The following DPP10 variants were observed in gnomAD, a reference collection of about 807,000 sequenced individuals.
DPP10 encodes inactive dipeptidyl peptidase 10.
DPP10 carries 33 observed loss-of-function variants against 120.9 expected under a neutral mutation model. The observed-to-expected ratio is 0.27, with a 90% confidence interval of 0.21 to 0.37. The LOEUF is 0.37. DPP10 is among the 10% of genes least tolerant of loss of function. The pLI, the probability that DPP10 is intolerant of heterozygous loss-of-function variation, is 1.00. For synonymous variants in DPP10, 337 were observed against 326.1 expected, an observed-to-expected ratio of 1.03 and a Z score of -0.36; for missense variants, 816 against 942.8, an observed-to-expected ratio of 0.87 and a Z score of 1.76.
chr2:114,640,626 C>T (rs1695636595), intron 1 of DPP10, among the ~76,000 whole-genome samples: 1 of 151,826 alleles, frequency 6.6e-6, no homozygotes, highest in South Asian at 2.1e-4. Context: ...TGTCCTCCCT[C>T]CCCTTCATCA....
intron 1 of DPP10, among the ~76,000 whole-genome samples, chr2:114,504,111 A>T (rs929235422): frequency 5.3e-5 from 8 of 152,126 alleles, no homozygotes; most frequent in African/African-American, 1.9e-4. Flanking sequence ...ATAACTTAGG[A>T]CTGGTGTGGG....
chr2:115,441,061 T>G (rs2071999153), intron 3 of DPP10: 1 of 152,114 alleles, frequency 6.6e-6, no homozygotes, highest in Non-Finnish European at 1.5e-5. Context: ...GAAGCAAGGC[T>G]AGGTGATTAA....
intron 19 of DPP10, among the ~76,000 whole-genome samples, chr2:115,809,954 G>C (rs1448699920): frequency 6.6e-6 from 1 of 152,144 alleles, no homozygotes; most frequent in East Asian, 1.9e-4. Flanking sequence ...ACGAGGTCAG[G>C]AGATCGAGAC....
At position 114,446,297 on chromosome 2, in the gene DPP10, T is replaced by G. The variant is rs572400978; in HGVS notation, c.60+3459T>G. Among the ~76,000 whole-genome samples, 6 of 152,342 alleles carry G rather than the reference T, an allele frequency of 3.9e-5. No homozygotes were observed. The East Asian group carries it at 1.2e-3, about 29-fold the overall frequency. On this transcript the variant is annotated intron_variant, in intron 1 of 25. Coordinates refer to ENST00000410059, the MANE Select transcript of DPP10 (RefSeq NM_020868.6). ...ATTTTGCCTCTAAAATGTGCAGATT[T>G]TTTTCTTATTTCTTTCACATTTGAA... is the stretch of plus-strand genomic sequence containing the variant.
intron 1 of DPP10, among the ~76,000 whole-genome samples, chr2:114,626,873 C>A (rs1336929214): frequency 6.6e-6 from 1 of 152,050 alleles, no homozygotes; most frequent in Non-Finnish European, 1.5e-5. Context: ...CTGCCCTATT[C>A]TTTGGCATTC....
chr2:114,751,930 C>T (rs1403556175), intron 1 of DPP10, among the ~76,000 whole-genome samples: 1 of 152,200 alleles, frequency 6.6e-6, no homozygotes, highest in Non-Finnish European at 1.5e-5. Context: ...GTGAATAGGT[C>T]AGTAGATCTG....
intron 1 of DPP10, among the ~76,000 whole-genome samples, chr2:114,643,791 C>T: frequency 6.6e-6 from 1 of 151,416 alleles, no homozygotes; most frequent in East Asian, 1.9e-4. Flanking sequence ...ATACACTTTG[C>T]CTTTCTTTTC....
intron 3 of DPP10, among the ~76,000 whole-genome samples, chr2:115,417,208 A>T (rs1030834655): frequency 7.2e-5 from 11 of 152,174 alleles, no homozygotes; most frequent in South Asian, 2.1e-4. Flanking sequence ...TCCAATATTA[A>T]TTACTATGTG....
chr2:114,744,950 C>T (rs539562843), intron 1 of DPP10, among the ~76,000 whole-genome samples: 4 of 152,148 alleles, frequency 2.6e-5, no homozygotes, highest in African/African-American at 4.8e-5. Context: ...TTAGTAGAGA[C>T]GGGGTTTCAC....
chr2:114,942,298 C>CATATATATATATATATATATACAT, intron 1 of DPP10, among the ~76,000 whole-genome samples: 1 of 104,690 alleles, frequency 9.6e-6, no homozygotes, highest in South Asian at 3.1e-4. Flanking sequence ...TATATATATA[C>CATATATATATATATATATATACAT]ATATATATAT....
At chr2:115,474,960 C>T (rs767703049) in intron 3 of DPP10, among the ~76,000 whole-genome samples, 5 of 152,128 alleles carry the variant, frequency 3.3e-5, no homozygotes, top group African/African-American at 7.2e-5. Context: ...CCTTGGGACA[C>T]TACTCCCCAT....
intron 1 of DPP10, among the ~76,000 whole-genome samples, chr2:115,088,971 C>G (rs111800152): frequency 2.0e-5 from 3 of 152,022 alleles, no homozygotes; most frequent in Admixed American, 6.6e-5. Context: ...CTTCCACAAC[C>G]TTTATTGCCA....
At chr2:114,670,040 G>A (rs1181464207) in intron 1 of DPP10, among the ~76,000 whole-genome samples, 1 of 152,082 alleles carries the variant, frequency 6.6e-6, no homozygotes, top group Non-Finnish European at 1.5e-5. Flanking sequence ...GAGAGGATGT[G>A]GAGAAATAGG....
chr2:115,032,996 A>T (rs1304877270), intron 1 of DPP10, among the ~76,000 whole-genome samples: 3 of 152,052 alleles, frequency 2.0e-5, no homozygotes, highest in South Asian at 2.1e-4. Context: ...AGAATTAGTG[A>T]TCCTACTCCT....
At chr2:114,631,159 G>A (rs1046325456) in intron 1 of DPP10, among the ~76,000 whole-genome samples, 1 of 152,064 alleles carries the variant, frequency 6.6e-6, no homozygotes, top group African/African-American at 2.4e-5. Flanking sequence ...GTTTTAAAGG[G>A]GGTGAGAAAA....
chr2:115,083,992 G>T (rs1165369461), intron 1 of DPP10, among the ~76,000 whole-genome samples: 2 of 152,144 alleles, frequency 1.3e-5, no homozygotes, highest in Non-Finnish European at 2.9e-5. Context: ...TAACATCCAG[G>T]TTAGTTTTCT....
chr2:115,124,631 T>C (rs539062241), intron 1 of DPP10, among the ~76,000 whole-genome samples: 1 of 152,326 alleles, frequency 6.6e-6, no homozygotes, highest in South Asian at 2.1e-4. Flanking sequence ...AATCCCATGT[T>C]TATGCAATTT....
chr2:115,585,803 G>A (rs1007238547), intron 5 of DPP10, among the ~76,000 whole-genome samples: 8 of 151,698 alleles, frequency 5.3e-5, no homozygotes, highest in Non-Finnish European at 8.8e-5. Context: ...TATCCACGTC[G>A]CCACTTCCTC....
chr2:115,541,700 A>C (rs2148965395), intron 5 of DPP10, among the ~76,000 whole-genome samples: 1 of 151,944 alleles, frequency 6.6e-6, no homozygotes, highest in East Asian at 1.9e-4. Context: ...ATTAATCATA[A>C]ATTCATTCAA....
Sources: allele counts gnomAD v4.1 joint callset (sites outside exome capture counted in the v4.1 genomes callset), GRCh38; gene constraint gnomAD v4.1.1; transcripts MANE v1.5; gene names NCBI Gene and HGNC (gene_info 2026-07-23, HGNC 2026-07-21).